GFRA1: variants seen among roughly 807,000 people sequenced by gnomAD.
GFRA1 encodes GDNF family receptor alpha-1.
A neutral mutation model predicts 51.6 loss-of-function variants in GFRA1; 16 were observed. The observed-to-expected ratio is 0.31, with a 90% CI of 0.21 to 0.47. The LOEUF (loss-of-function observed/expected upper bound fraction) is 0.47, where lower values mean the gene tolerates loss of function less well. Among genes scored for constraint, GFRA1 ranks in the 20% least tolerant of loss-of-function variants. The pLI, the probability that GFRA1 is intolerant of heterozygous loss-of-function variation, is 1.00. For missense variants in GFRA1, 530 were observed against 594.3 expected (o/e 0.89, Z 1.13); for synonymous variants, 270 against 241.3 (o/e 1.12, Z -1.10).
At chr10:116,126,527 A>G (rs34806371) in intron 5 of GFRA1, among the ~76,000 whole-genome samples, 19,115 of 152,324 alleles carry the variant, frequency 0.13, 1,428 homozygotes, top group East Asian at 0.21. Context: ...CCTGTCCCCA[A>G]TAGAGGAATG....
chr10:116,180,267 G>T (rs930399368), intron 5 of GFRA1, among the ~76,000 whole-genome samples: 1 of 152,156 alleles, frequency 6.6e-6, no homozygotes, highest in Non-Finnish European at 1.5e-5. Flanking sequence ...AGCATAAATT[G>T]TGGCACACTG....
chr10:116,114,981 A>T (rs1416221368), intron 6 of GFRA1, among the ~76,000 whole-genome samples: 1 of 152,160 alleles, frequency 6.6e-6, no homozygotes, highest in Non-Finnish European at 1.5e-5. Flanking sequence ...TAACAAAACC[A>T]TAATGCAAGC....
intron 5 of GFRA1, among the ~76,000 whole-genome samples, chr10:116,148,058 G>A (rs1217257748): frequency 6.8e-6 from 1 of 146,568 alleles, no homozygotes; most frequent in African/African-American, 2.5e-5. Flanking sequence ...GTGCATGCAT[G>A]TGTGCATGCG....
rs535525800 is a variant in GFRA1, at chr10:116,075,397, C to T, written c.1198-9771G>A. 9.9e-5 allele frequency among the ~76,000 whole-genome samples: 15 copies of T among 152,254 alleles called. No individual in the cohort carries two copies. In the South Asian group the frequency reaches 2.7e-3, roughly 27 times the overall value. The stretch of plus-strand genomic sequence containing the variant: ...TATGTCATCATCAGCAAAGACCACC[C>T]AGGAGAATAAAATAATGGTATAAAT... On this transcript the variant is annotated intron_variant, in intron 9 of 10. Transcript: ENST00000355422.
At position 116,064,478 on chromosome 10, in the gene GFRA1, G is replaced by A; in HGVS notation, c.1318C>T (p.Pro440Ser). The A allele has an allele frequency of 6.2e-7, 1 of 1,613,102 alleles. No homozygotes were observed. Among genetic ancestry groups the A allele is most frequent in the Non-Finnish European group, 8.5e-7 (1 of 1,179,374 alleles). Residue 440 changes from proline to serine, a missense_variant, in exon 11 of 11, where the codon CCA (proline) becomes TCA (serine). By Grantham distance (74) the Pro-to-Ser change is moderately conservative (BLOSUM62 -1). Coordinates refer to ENST00000355422, the MANE Select transcript of GFRA1 (RefSeq NM_005264.8). The stretch of plus-strand genomic sequence containing the variant: ...AGCAGTGGGCTCAGACCACAGCTTG[G>A]AGGAGCAGCCATTGATTTTGTGGTT... ...HITTKSMAAP[P>S]SCGLSPLLVL...
At chr10:116,161,649 G>A (rs982157906) in intron 5 of GFRA1, among the ~76,000 whole-genome samples, 4 of 152,110 alleles carry the variant, frequency 2.6e-5, no homozygotes, top group African/African-American at 9.7e-5. Context: ...GAGATATGAT[G>A]GTTTTTATAT....
At chr10:116,152,332 A>G (rs1247694744) in intron 5 of GFRA1, among the ~76,000 whole-genome samples, 2 of 152,108 alleles carry the variant, frequency 1.3e-5, no homozygotes, top group Admixed American at 6.6e-5. Context: ...CCTTTTAGAA[A>G]CGTTCACCAG....
intron 5 of GFRA1, among the ~76,000 whole-genome samples, chr10:116,182,458 C>G (rs1308101044): frequency 6.6e-6 from 1 of 152,180 alleles, no homozygotes; most frequent in African/African-American, 2.4e-5. Context: ...AAAGCCTAAA[C>G]AAACACTTGT....
intron 5 of GFRA1, among the ~76,000 whole-genome samples, chr10:116,191,904 G>C (rs560219350): frequency 6.6e-6 from 1 of 152,170 alleles, no homozygotes; most frequent in Non-Finnish European, 1.5e-5. Flanking sequence ...GCAGCCACCT[G>C]TAATCCCAGC....
intron 3 of GFRA1, among the ~76,000 whole-genome samples, chr10:116,269,855 G>T (rs1222262483): frequency 6.6e-6 from 1 of 152,036 alleles, no homozygotes; most frequent in Non-Finnish European, 1.5e-5. Flanking sequence ...CTTTGCAAAG[G>T]AATAGAAATC....
chr10:116,138,684 C>T (rs564936913), intron 5 of GFRA1, among the ~76,000 whole-genome samples: 316 of 149,808 alleles, frequency 2.1e-3, no homozygotes, highest in African/African-American at 7.5e-3. Flanking sequence ...CCCCACCAAC[C>T]CACCATGGTC....
chr10:116,225,534 CAAAAAAAAAAA>C (rs756377767), intron 4 of GFRA1, among the ~76,000 whole-genome samples: 2 of 63,952 alleles, frequency 3.1e-5, no homozygotes, highest in African/African-American at 1.4e-4. Context: ...AGTCTGTCTC[CAAAAAAAAAAA>C]AAAAAAAAAA....
intron 9 of GFRA1, among the ~76,000 whole-genome samples, chr10:116,071,370 G>C (rs1955384613): frequency 6.6e-6 from 1 of 152,238 alleles, no homozygotes; most frequent in African/African-American, 2.4e-5. Flanking sequence ...ACAGGTTTCA[G>C]AAAGGCCCAG....
intron 7 of GFRA1, among the ~76,000 whole-genome samples, chr10:116,096,155 GA>G (rs1390873043): frequency 6.6e-6 from 1 of 152,138 alleles, no homozygotes; most frequent in Non-Finnish European, 1.5e-5. Context: ...TGCACACTGG[GA>G]GTTGAATTAC....
intron 5 of GFRA1, among the ~76,000 whole-genome samples, chr10:116,176,607 G>C (rs74879787): frequency 0.01 from 1,595 of 152,152 alleles, 11 homozygotes; most frequent in Non-Finnish European, 0.017. Flanking sequence ...CATGCTTCCT[G>C]TACAGCCCCC....
intron 5 of GFRA1, among the ~76,000 whole-genome samples, chr10:116,195,832 GA>G (rs1461861266): frequency 1.3e-5 from 2 of 152,208 alleles, no homozygotes. Flanking sequence ...CCTAAGAACA[GA>G]AAATCTGAGT....
chr10:116,178,307 C>CGG (rs891197102), intron 5 of GFRA1, among the ~76,000 whole-genome samples: 2 of 149,426 alleles, frequency 1.3e-5, no homozygotes, highest in Admixed American at 6.6e-5. Context: ...GCCGGGGGGG[C>CGG]GTTTTACTCC....
At chr10:116,251,073 C>G (rs1589911575) in intron 4 of GFRA1, among the ~76,000 whole-genome samples, 1 of 152,214 alleles carries the variant, frequency 6.6e-6, no homozygotes, top group Admixed American at 6.5e-5. Context: ...CCCCTTCTCC[C>G]CTCTGTTCCC....
chr10:116,249,152 C>CTTTT (rs1296401551), intron 4 of GFRA1, among the ~76,000 whole-genome samples: 2 of 152,302 alleles, frequency 1.3e-5, no homozygotes, highest in East Asian at 3.9e-4. Context: ...TTTGGGATCA[C>CTTTT]TTTTTACACT....
Sources: gnomAD v4.1 joint callset for allele counts (sites outside exome capture counted in the v4.1 genomes callset) on GRCh38, gnomAD v4.1.1 for gene constraint, MANE v1.5 for transcripts, NCBI Gene and HGNC (gene_info 2026-07-23, HGNC 2026-07-21) for gene names.